MTX2: variants seen among roughly 807,000 people sequenced by gnomAD.
MTX2 encodes the protein metaxin 2, also known as metaxin-2.
A neutral mutation model predicts 42.3 loss-of-function variants in MTX2; 35 were observed. The ratio of observed to expected loss-of-function variants is 0.83; its 90% CI spans 0.63 to 1.10. The LOEUF is 1.10. Ranked by LOEUF, MTX2 falls within the 50% of genes least tolerant of loss-of-function variation. MTX2 has a pLI of 0.00. For synonymous variants in MTX2, 119 were observed against 100.9 expected (o/e 1.18, Z -1.08); for missense variants, 307 against 304.1 (o/e 1.01, Z -0.07).
chr2:176,335,059 T>C (rs1047797260), intron 9 of MTX2, among the ~76,000 whole-genome samples: 4 of 151,616 alleles, frequency 2.6e-5, no homozygotes, highest in Admixed American at 1.3e-4. Context: ...AAAAAAATTA[T>C]ATGGTATTAA....
intron 9 of MTX2, among the ~76,000 whole-genome samples, chr2:176,331,012 A>G (rs1185646598): frequency 6.6e-6 from 1 of 151,104 alleles, no homozygotes. Context: ...AGTTACTATT[A>G]ATGTAACTAT....
intron 3 of MTX2, among the ~76,000 whole-genome samples, chr2:176,313,388 C>CTT (rs1207416607): frequency 0.12 from 12,176 of 103,418 alleles, 1,025 homozygotes; most frequent in South Asian, 0.23. Context: ...TACACTGATT[C>CTT]TTTTTTTTTT....
rs565169720 is a variant in MTX2, at chr2:176,294,441, G to A, written c.41-2419G>A. On this transcript the variant is annotated intron_variant, in intron 1 of 9. Transcript: ENST00000249442. The stretch of plus-strand genomic sequence containing the variant: ...TGGGATTACAGGCGCCAGCCACCAC[G>A]CCCGGCTAATTTTTGTATTTTTAGT... 1.1e-4 allele frequency among the ~76,000 whole-genome samples: 17 copies of A among 152,026 alleles called. No individual in the cohort carries two copies. The East Asian group carries it at 2.7e-3, about 24-fold the overall frequency.
chr2:176,291,572 A>G (rs1001090864), intron 1 of MTX2, among the ~76,000 whole-genome samples: 3 of 152,128 alleles, frequency 2.0e-5, no homozygotes, highest in Admixed American at 6.5e-5. Context: ...GAACTATTCA[A>G]GGAGGTCAGC....
chr2:176,289,386 T>C (rs1485817379), intron 1 of MTX2, among the ~76,000 whole-genome samples: 2 of 152,086 alleles, frequency 1.3e-5, no homozygotes, highest in Non-Finnish European at 2.9e-5. Flanking sequence ...CACTAAAGCC[T>C]GAAACCTTAA....
chr2:176,279,160 G>T (rs1039315317), intron 1 of MTX2, among the ~76,000 whole-genome samples: 1 of 152,004 alleles, frequency 6.6e-6, no homozygotes, highest in Non-Finnish European at 1.5e-5. Flanking sequence ...ACTTGTATAA[G>T]CCAAAGAATT....
chr2:176,302,145 A>G (rs1469466497), intron 3 of MTX2, among the ~76,000 whole-genome samples: 4 of 102,746 alleles, frequency 3.9e-5, no homozygotes, highest in East Asian at 5.6e-4. Context: ...TTTTTTTTGT[A>G]TGGCTTAATC....
At chr2:176,319,096 A>G (rs1325665294) in intron 3 of MTX2, among the ~76,000 whole-genome samples, 1 of 152,240 alleles carries the variant, frequency 6.6e-6, no homozygotes, top group African/African-American at 2.4e-5. Flanking sequence ...TTTGGAATAA[A>G]GTATTCAACC....
chr2:176,278,787 A>G (rs1693010449), intron 1 of MTX2, among the ~76,000 whole-genome samples: 1 of 152,158 alleles, frequency 6.6e-6, no homozygotes, highest in Non-Finnish European at 1.5e-5. Flanking sequence ...CAGAAGTTAT[A>G]ATATTCAGTA....
intron 9 of MTX2, among the ~76,000 whole-genome samples, chr2:176,336,874 T>C (rs1684998464): frequency 6.6e-6 from 1 of 152,128 alleles, no homozygotes; most frequent in South Asian, 2.1e-4. Context: ...CGGGGGTCTT[T>C]CAAGTATCCA....
At chr2:176,305,435 G>T (rs1241362546) in intron 3 of MTX2, among the ~76,000 whole-genome samples, 6 of 151,892 alleles carry the variant, frequency 4.0e-5, no homozygotes, top group Non-Finnish European at 8.8e-5. Context: ...TAGGTTATTG[G>T]GTTACAAGAA....
intron 1 of MTX2, among the ~76,000 whole-genome samples, chr2:176,290,796 T>A (rs1275985228): frequency 6.6e-6 from 1 of 150,680 alleles, no homozygotes; most frequent in South Asian, 2.1e-4. Context: ...ATGTAATATG[T>A]GTGCAAGACA....
At chr2:176,272,711 C>G (rs527802475) in intron 1 of MTX2, among the ~76,000 whole-genome samples, 17 of 151,888 alleles carry the variant, frequency 1.1e-4, no homozygotes, top group Non-Finnish European at 2.2e-4. Flanking sequence ...TATAAACATA[C>G]ATATGTTTAT....
chr2:176,271,689 T>C (rs1279588671), intron 1 of MTX2, among the ~76,000 whole-genome samples: 3 of 152,196 alleles, frequency 2.0e-5, no homozygotes, highest in African/African-American at 7.2e-5. Context: ...GTATTACTTT[T>C]TGGGAACGTA....
chr2:176,314,908 T>C (rs2105431870), intron 3 of MTX2, among the ~76,000 whole-genome samples: 1 of 152,308 alleles, frequency 6.6e-6, no homozygotes, highest in South Asian at 2.1e-4. Context: ...AAGATGGTCC[T>C]TGATTATATT....
intron 3 of MTX2, among the ~76,000 whole-genome samples, chr2:176,308,001 T>C (rs1003289212): frequency 5.3e-5 from 8 of 152,140 alleles, no homozygotes; most frequent in African/African-American, 1.9e-4. Flanking sequence ...GTGCTTCCCA[T>C]TTTTGCCTAT....
chr2:176,293,590 T>G (rs1693374732), intron 1 of MTX2, among the ~76,000 whole-genome samples: 1 of 152,078 alleles, frequency 6.6e-6, no homozygotes, highest in Admixed American at 6.5e-5. Context: ...TCTCCCCCCC[T>G]TCTCTTGCTC....
At chr2:176,284,182 G>A (rs1163095124) in intron 1 of MTX2, among the ~76,000 whole-genome samples, 1 of 151,668 alleles carries the variant, frequency 6.6e-6, no homozygotes, top group Non-Finnish European at 1.5e-5. Context: ...TGGGCTCAAG[G>A]GATCCTTCTG....
intron 1 of MTX2, among the ~76,000 whole-genome samples, chr2:176,289,855 T>G (rs1375923268): frequency 6.6e-6 from 1 of 152,096 alleles, no homozygotes; most frequent in Non-Finnish European, 1.5e-5. Context: ...TAATTTAAAT[T>G]TCATATTTTG....
Sources: allele counts gnomAD v4.1 joint callset (sites outside exome capture counted in the v4.1 genomes callset), GRCh38; gene constraint gnomAD v4.1.1; transcripts MANE v1.5; gene names NCBI Gene and HGNC (gene_info 2026-07-23, HGNC 2026-07-21).